The following COL14A1 variants were observed in gnomAD, a reference collection of about 807,000 sequenced individuals.
COL14A1 encodes collagen type XIV alpha 1 chain, also known as collagen alpha-1(XIV) chain.
Under a neutral mutation model 230.3 loss-of-function variants are expected in COL14A1, and 136 were observed. The ratio of observed to expected loss-of-function variants is 0.59; its 90% confidence interval spans 0.51 to 0.68. The LOEUF (loss-of-function observed/expected upper bound fraction) is 0.68, where lower values mean the gene tolerates loss of function less well. COL14A1 is among the 30% of genes least tolerant of loss of function. The probability of loss-of-function intolerance (pLI) is 0.00; values close to 1 mark genes in which losing one functional copy is unlikely to be tolerated. For synonymous variants in COL14A1, 792 were observed against 784.1 expected (o/e 1.01, Z -0.17); for missense variants, 1,976 against 2,215.8 (o/e 0.89, Z 2.17).
Position 120,345,360 on chromosome 8 carries a change from T to C in COL14A1, c.4889-15T>C. On this transcript the variant is annotated splice_polypyrimidine_tract_variant and intron_variant, in intron 44 of 47. Transcript: ENST00000297848. ...GACAGTTCACTGAATGCTGTCTTTATGCTTCATACCTCAGGTCACATGGCC... is the reference window on the plus strand; with the variant it reads ...GACAGTTCACTGAATGCTGTCTTTACGCTTCATACCTCAGGTCACATGGCC... 1 of 1,547,912 alleles carries C rather than the reference T, an allele frequency of 6.5e-7. No individual in the cohort carries two copies.
Position 120,244,074 on chromosome 8 carries a change from A to C in COL14A1, c.2479+66A>C. 1.9e-6 allele frequency: 3 copies of C among 1,550,322 alleles called. No homozygotes were observed. The South Asian group carries it at 3.5e-5, about 18-fold the overall frequency. ...TAAATGGAAATGCTTGTCCCCTGTA[A>C]TGCACCCTGAAAGATACAGTAGATT... On this transcript the variant is annotated intron_variant, in intron 20 of 47. Transcript: ENST00000297848.
At chr8:120,207,581 T>C (rs957694) in intron 10 of COL14A1, among the ~76,000 whole-genome samples, 86,836 of 151,752 alleles carry the variant, frequency 0.57, 26,157 homozygotes, top group African/African-American at 0.77. Context: ...CCGCTATGGC[T>C]GGCATATTTT....
At chr8:120,360,064 C>A (rs1823136082) in intron 45 of COL14A1, among the ~76,000 whole-genome samples, 1 of 152,190 alleles carries the variant, frequency 6.6e-6, no homozygotes, top group African/African-American at 2.4e-5. Context: ...ACTCCTTTGC[C>A]TTGATCTTGC....
At chr8:120,227,167 C>T in intron 16 of COL14A1, 53 bp from the exon 17 acceptor site, 1 of 1,591,440 alleles carries the variant, frequency 6.3e-7, no homozygotes, top group South Asian at 1.1e-5. Context: ...AACACTTTTT[C>T]TTTACTTTTT....
intron 20 of COL14A1, among the ~76,000 whole-genome samples, chr8:120,245,655 C>T (rs1818738895): frequency 6.6e-6 from 1 of 152,130 alleles, no homozygotes; most frequent in South Asian, 2.1e-4. Flanking sequence ...TGATCAGTGT[C>T]ACCTGGTGGT....
intron 19 of COL14A1, among the ~76,000 whole-genome samples, chr8:120,240,227 A>G (rs1396585294): frequency 6.6e-6 from 1 of 151,512 alleles, no homozygotes; most frequent in East Asian, 1.9e-4. Flanking sequence ...AGAAGAACCT[A>G]CTGTAGAATT....
chr8:120,260,491 T>G (rs923307359), intron 23 of COL14A1, among the ~76,000 whole-genome samples: 2 of 152,308 alleles, frequency 1.3e-5, no homozygotes, highest in Admixed American at 6.5e-5. Flanking sequence ...AAGGAGCGGA[T>G]AGTTCTTTTT....
At chr8:120,332,108 C>T (rs368961925) in intron 40 of COL14A1, 33 bp from the exon 41 acceptor site, 1 of 1,607,456 alleles carries the variant, frequency 6.2e-7, no homozygotes, top group South Asian at 1.1e-5. Flanking sequence ...ATAAAGCAAC[C>T]ACTTGCTGAC....
intron 5 of COL14A1, among the ~76,000 whole-genome samples, chr8:120,195,647 A>G (rs959423138): frequency 5.3e-5 from 8 of 152,310 alleles, no homozygotes; most frequent in South Asian, 2.1e-4. Flanking sequence ...GCAAAGGCAC[A>G]TCTTACTTGG....
rs764244260 is a variant in COL14A1 at position 120,243,918 on chromosome 8, C to G, written c.2389C>G (p.Pro797Ala). The change falls in exon 20 of 48, where the codon CCT becomes GCT. Residue 797 changes from proline to alanine, a missense_variant. Coordinates refer to ENST00000297848, the MANE Select transcript of COL14A1 (RefSeq NM_021110.4). Reference sequence around the variant, plus strand: ...AAGCCAGAACAACCTCCTTCTGAAGCCTCTGCTTCCTGATACTGAATACAA... The same window carrying G: ...AAGCCAGAACAACCTCCTTCTGAAGGCTCTGCTTCCTGATACTGAATACAA... ...PGSQNNLLLK[P>A]LLPDTEYKVT... is the part of the protein sequence containing the mutation. 1.9e-6 allele frequency: 3 copies of G among 1,613,580 alleles called. No homozygotes were observed. Among genetic ancestry groups the G allele is most frequent in the African/African-American group, 2.7e-5 (2 of 74,902 alleles).
At chr8:120,337,401 TA>T (rs60418574) in intron 42 of COL14A1, among the ~76,000 whole-genome samples, 39,269 of 129,352 alleles carry the variant, frequency 0.3, 5,105 homozygotes, top group East Asian at 0.46. Context: ...GTCTCAAAAT[TA>T]AAAAAAAAAA....
In COL14A1 at chr8:120,262,922, A is replaced by AT. The variant is rs1386103743; in HGVS notation, c.2925dup (p.Gly976TrpfsTer5). On this transcript the variant is annotated frameshift_variant, in exon 24 of 48. Transcript: ENST00000297848. LOFTEE classifies it high-confidence loss of function. ...GGAGGGACAACCAGGCATTGCTTCT[A>AT]TGGACTTCAGCCTGATTCTGAATAT... 1 of 1,613,730 alleles carries AT rather than the reference A, an allele frequency of 6.2e-7. No individual in the cohort carries two copies. Among genetic ancestry groups the AT allele is most frequent in the East Asian group, 2.2e-5 (1 of 44,858 alleles).
rs566145267 is a variant in COL14A1, at chr8:120,177,281, A to G, written c.436+9034A>G. On this transcript the variant is annotated intron_variant, in intron 5 of 47. Coordinates refer to ENST00000297848, the MANE Select transcript of COL14A1 (RefSeq NM_021110.4). ...AAAACATAGAAGTAAACTATTTGCC[A>G]TAAGTGTCAGAAGACACAAAAGTGG... is the stretch of plus-strand genomic sequence containing the variant. Among the ~76,000 whole-genome samples, 9 of 152,350 alleles carry G rather than the reference A, an allele frequency of 5.9e-5. No homozygotes were observed. The South Asian group carries it at 1.9e-3, about 32-fold the overall frequency.
chr8:120,343,561 A>G (rs2130277945), intron 44 of COL14A1, among the ~76,000 whole-genome samples: 1 of 152,340 alleles, frequency 6.6e-6, no homozygotes, highest in East Asian at 1.9e-4. Flanking sequence ...GTTTTCATTA[A>G]GGCAAAAACA....
intron 2 of COL14A1, among the ~76,000 whole-genome samples, chr8:120,157,791 C>G (rs1477097856): frequency 6.6e-6 from 1 of 151,982 alleles, no homozygotes; most frequent in Non-Finnish European, 1.5e-5. Flanking sequence ...CAAGACCAGC[C>G]TGGCCAAGAT....
At chr8:120,168,033 T>C (rs1309486057) in intron 4 of COL14A1, 128 bp from the exon 5 acceptor site, 4 of 528,012 alleles carry the variant, frequency 7.6e-6, no homozygotes, top group African/African-American at 1.9e-5. Context: ...TATTTGGGGA[T>C]GAGTTTGTAC....
At position 120,315,559 on chromosome 8, in the gene COL14A1, A is replaced by C. The variant is rs756780115; in HGVS notation, c.4578A>C (p.Lys1526Asn). 5 of 1,613,620 alleles carry C rather than the reference A, an allele frequency of 3.1e-6. No homozygotes were observed. The highest frequency in any genetic ancestry group is 1.7e-6 in the Non-Finnish European group (2 of 1,179,640). Residue 1526 changes from lysine to asparagine, a missense_variant, in exon 39 of 48, where the codon AAA becomes AAC. This residue lies in a region of COL14A1 where 1,791 missense variants were observed against 2,019.5 expected (regional missense o/e 0.89). Coordinates refer to ENST00000297848, the MANE Select transcript of COL14A1 (RefSeq NM_021110.4). ...MPGMPGEKGEKGDTGLPGPQG... is the reference protein window; with the variant it reads ...MPGMPGEKGENGDTGLPGPQG... ...GAATGCCAGGAGAAAAAGGAGAGAAAGGAGATACTGGCCTTCCAGGTCCAC... is the reference window on the plus strand; with the variant it reads ...GAATGCCAGGAGAAAAAGGAGAGAACGGAGATACTGGCCTTCCAGGTCCAC...
chr8:120,285,980 G>A lies in COL14A1; in HGVS notation c.4077+10G>A, dbSNP rs1214384112. 1.5e-6 allele frequency: 2 copies of A among 1,346,816 alleles called. No individual in the cohort carries two copies. The highest frequency in any genetic ancestry group is 1.1e-6 in the Non-Finnish European group (1 of 938,374). 83.4% of individuals were successfully genotyped at this position (1,346,816 alleles called of 1,614,324 possible). On this transcript the variant is annotated intron_variant, in intron 33 of 47. Coordinates refer to ENST00000297848, the MANE Select transcript of COL14A1 (RefSeq NM_021110.4). ...TGGAAGCTTTCACAAGGTTAGTAAT[G>A]CTTTGTATGCATATATTCTTTATTC...
chr8:120,191,598 C>G (rs1310915492), intron 5 of COL14A1, among the ~76,000 whole-genome samples: 2 of 151,878 alleles, frequency 1.3e-5, no homozygotes, highest in Non-Finnish European at 2.9e-5. Flanking sequence ...CCTGGGTATC[C>G]TTGTGAACTT....
Sources: allele counts gnomAD v4.1 joint callset (sites outside exome capture counted in the v4.1 genomes callset), GRCh38; gene constraint gnomAD v4.1.1; regional missense constraint gnomAD v4.1.1; transcripts MANE v1.5; gene names NCBI Gene and HGNC (gene_info 2026-07-23, HGNC 2026-07-21).